The following SPATA7 variants were observed in gnomAD, a reference collection of about 807,000 sequenced individuals.
SPATA7 encodes spermatogenesis associated 7.
SPATA7 carries 43 observed loss-of-function variants against 51.8 expected under a neutral mutation model. The ratio of observed to expected loss-of-function variants is 0.83; its 90% CI spans 0.65 to 1.07. SPATA7 has a LOEUF of 1.07. Among genes scored for constraint, SPATA7 ranks in the 50% least tolerant of loss-of-function variants. SPATA7 has a pLI of 0.00. For synonymous variants in SPATA7, 230 were observed against 252.8 expected, an observed-to-expected ratio of 0.91 and a Z score of 0.86; for missense variants, 683 against 701.3, an observed-to-expected ratio of 0.97 and a Z score of 0.30.
intron 4 of SPATA7, among the ~76,000 whole-genome samples, chr14:88,401,997 G>A (rs1365555133): frequency 2.6e-5 from 4 of 151,992 alleles, no homozygotes; most frequent in African/African-American, 9.7e-5. Flanking sequence ...TGGCATTTCT[G>A]TACACAAACA....
Position 88,443,686 on chromosome 14 carries a change from A to G in SPATA7, c.177+5783A>G, listed in dbSNP as rs549996026. On this transcript the variant is annotated intron_variant, in intron 3 of 3. Transcript: ENST00000554802. ...GTGTGATGTTCCCTTTCCTGTGTCC[A>G]TGTGTTCTCATTGTTCAATTCCCAC... Among the ~76,000 whole-genome samples the G allele has an allele frequency of 5.7e-5, 8 of 140,658 alleles. No homozygotes were observed. The East Asian group carries it at 1.1e-3, about 18-fold the overall frequency. 92.3% of individuals were successfully genotyped at this position (140,658 alleles called of 152,430 possible).
intron 5 of SPATA7, among the ~76,000 whole-genome samples, chr14:88,417,338 A>T: frequency 2.1e-5 from 3 of 141,912 alleles, no homozygotes; most frequent in East Asian, 2.0e-4. Flanking sequence ...ATATAGTCTC[A>T]CTCTGTTGCC....
At chr14:88,406,414 C>T (rs1046218867) in intron 4 of SPATA7, among the ~76,000 whole-genome samples, 1 of 150,242 alleles carries the variant, frequency 6.7e-6, no homozygotes, top group African/African-American at 2.4e-5. Context: ...TACCCCTAGC[C>T]CCAGGCAACC....
At chr14:88,425,181 A>G (rs948838553) in intron 5 of SPATA7, among the ~76,000 whole-genome samples, 3 of 152,116 alleles carry the variant, frequency 2.0e-5, no homozygotes, top group African/African-American at 7.2e-5. Context: ...TAAATGAGCT[A>G]TACATGAAAA....
chr14:88,467,058 C>G (rs887783550), intron 4 of SPATA7: 2 of 152,118 alleles, frequency 1.3e-5, no homozygotes, highest in African/African-American at 4.8e-5. Context: ...CTGTGGGGTC[C>G]CCTGCTCGCC....
At chr14:88,425,704 GAATA>G (rs1188451552) in intron 5 of SPATA7, among the ~76,000 whole-genome samples, 3 of 151,906 alleles carry the variant, frequency 2.0e-5, no homozygotes, top group African/African-American at 7.2e-5. Context: ...AATTATTATG[GAATA>G]AATATTTATT....
intron 1 of SPATA7, among the ~76,000 whole-genome samples, chr14:88,387,248 TAGTA>T (rs1466258975): frequency 6.6e-6 from 1 of 152,184 alleles, no homozygotes; most frequent in Non-Finnish European, 1.5e-5. Context: ...ATGGTAGATT[TAGTA>T]AGTTGTCAGT....
intron 5 of SPATA7, 35 bp from the exon 6 acceptor site, chr14:88,426,197 A>G: frequency 6.8e-7 from 1 of 1,461,190 alleles, no homozygotes. Context: ...TGAATTCGTA[A>G]TGCAGTTGAT....
chr14:88,398,464 C>T (rs2075960595), intron 4 of SPATA7, among the ~76,000 whole-genome samples: 1 of 119,932 alleles, frequency 8.3e-6, no homozygotes, highest in South Asian at 2.7e-4. Context: ...GAACATCACA[C>T]TCTGGGGACT....
chr14:88,420,566 G>T (rs533640980), intron 5 of SPATA7, among the ~76,000 whole-genome samples: 2 of 151,996 alleles, frequency 1.3e-5, no homozygotes, highest in African/African-American at 4.8e-5. Flanking sequence ...TTTATGTGTG[G>T]TTTCATTTTT....
chr14:88,470,233 G>A (rs931299115), exon 5 of SPATA7: 1 of 612,542 alleles, frequency 1.6e-6, no homozygotes, highest in Non-Finnish European at 2.8e-6. Context: ...AATACAATTT[G>A]CATTACTGAC....
chr14:88,438,123 T>C lies in SPATA7; in HGVS notation c.1501T>C (p.Ser501Pro), dbSNP rs1238750536. The change falls in exon 12 of 12, where the codon TCA becomes CCA. Residue 501 changes from serine to proline, a missense_variant. Physicochemically the swap from Ser to Pro is moderately conservative, Grantham distance 74. Coordinates refer to ENST00000393545, the MANE Select transcript of SPATA7 (RefSeq NM_018418.5). Reference protein sequence around the residue: ...FFMPIYKSKHSEGVIIQQVND... With the variant: ...FFMPIYKSKHPEGVIIQQVND... ...CATGCCTATTTATAAATCAAAGCAT[T>C]CAGAAGGGGTTATAATTCAACAGGT... is the stretch of plus-strand genomic sequence containing the variant. 1 of 1,613,992 alleles carries C rather than the reference T, an allele frequency of 6.2e-7. No individual in the cohort carries two copies. The highest frequency in any genetic ancestry group is 1.7e-5 in the Admixed American group (1 of 59,998).
chr14:88,436,068 A>G (rs973127844), intron 10 of SPATA7, among the ~76,000 whole-genome samples: 1 of 152,154 alleles, frequency 6.6e-6, no homozygotes, highest in Admixed American at 6.5e-5. Flanking sequence ...CATCCTCACC[A>G]GCATTTATTA....
At chr14:88,444,436 C>T (rs1429047371) in intron 3 of SPATA7, among the ~76,000 whole-genome samples, 1,988 of 148,374 alleles carry the variant, frequency 0.013, 38 homozygotes, top group African/African-American at 0.049. Context: ...TTTTAGGTTG[C>T]CTGTTCACTC....
chr14:88,387,574 A>G (rs980771388), intron 1 of SPATA7, among the ~76,000 whole-genome samples: 1 of 152,188 alleles, frequency 6.6e-6, no homozygotes, highest in Non-Finnish European at 1.5e-5. Flanking sequence ...AAAACATCTA[A>G]AGAAAAATTA....
intron 3 of SPATA7, among the ~76,000 whole-genome samples, chr14:88,446,607 T>C (rs2077214619): frequency 6.6e-6 from 1 of 152,172 alleles, no homozygotes. Context: ...TCCTGCTTTC[T>C]CTTGTGGGCA....
intron 4 of SPATA7, among the ~76,000 whole-genome samples, chr14:88,414,217 T>A (rs1244008263): frequency 6.6e-6 from 1 of 152,158 alleles, no homozygotes; most frequent in Non-Finnish European, 1.5e-5. Context: ...AGGTTTTTTT[T>A]ATTACTGGTT....
intron 3 of SPATA7, among the ~76,000 whole-genome samples, chr14:88,448,267 T>G (rs1037877683): frequency 6.6e-6 from 1 of 152,252 alleles, no homozygotes; most frequent in Non-Finnish European, 1.5e-5. Flanking sequence ...TTTCTTCCAG[T>G]TGATCGCATT....
chr14:88,423,382 A>G (rs2076697519), intron 5 of SPATA7, among the ~76,000 whole-genome samples: 1 of 151,068 alleles, frequency 6.6e-6, no homozygotes, highest in East Asian at 1.9e-4. Flanking sequence ...TACAAAAAAA[A>G]AAAAAAAAAT....
Sources: allele counts gnomAD v4.1 joint callset (sites outside exome capture counted in the v4.1 genomes callset), GRCh38; gene constraint gnomAD v4.1.1; transcripts MANE v1.5; gene names NCBI Gene and HGNC (gene_info 2026-07-23, HGNC 2026-07-21).